Variants in ZNF385D observed in about 807,000 individuals in gnomAD.
The protein encoded by ZNF385D is zinc finger protein 385D, also known as zinc finger protein 659.
In ZNF385D, 15 loss-of-function variants were observed where a neutral mutation model predicts 35.8. The observed-to-expected ratio is 0.42, with a 90% confidence interval of 0.28 to 0.64. The LOEUF is 0.64. ZNF385D is among the 30% of genes least tolerant of loss of function. The pLI, the probability that ZNF385D is intolerant of heterozygous loss-of-function variation, is 0.23. For missense variants in ZNF385D, 474 were observed against 494.6 expected (o/e 0.96, Z 0.39); for synonymous variants, 212 against 186.8 (o/e 1.13, Z -1.10).
intron 3 of ZNF385D, among the ~76,000 whole-genome samples, chr3:21,765,950 G>C (rs1043309575): frequency 2.2e-4 from 33 of 152,066 alleles, no homozygotes; most frequent in African/African-American, 8.0e-4. Flanking sequence ...AAGGGATTCA[G>C]TAGACTGAAA....
At chr3:21,701,630 G>A (rs1280330020) in intron 1 of ZNF385D, among the ~76,000 whole-genome samples, 2 of 152,096 alleles carry the variant, frequency 1.3e-5, no homozygotes, top group African/African-American at 4.8e-5. Flanking sequence ...CACAGCCAAA[G>A]TCTCATCTGA....
chr3:21,587,959 T>TTATC (rs1362644750), intron 2 of ZNF385D, among the ~76,000 whole-genome samples: 29 of 152,188 alleles, frequency 1.9e-4, no homozygotes. Flanking sequence ...GTAGGTTCTA[T>TTATC]TATCTCCTTT....
chr3:21,848,447 T>C (rs982530438), intron 3 of ZNF385D, among the ~76,000 whole-genome samples: 14 of 151,340 alleles, frequency 9.3e-5, no homozygotes, highest in African/African-American at 3.4e-4. Context: ...ACAACAAATA[T>C]ATAAATAAAA....
intron 2 of ZNF385D, among the ~76,000 whole-genome samples, chr3:22,184,003 G>A (rs189880361): frequency 6.6e-6 from 1 of 152,108 alleles, no homozygotes; most frequent in South Asian, 2.1e-4. Context: ...TTGTCAGTAT[G>A]TGAATTTTAA....
At chr3:21,664,788 T>C in intron 2 of ZNF385D, 98 bp downstream of exon 2, 1 of 1,510,742 alleles carries the variant, frequency 6.6e-7, no homozygotes, top group Non-Finnish European at 9.1e-7. Context: ...CAATGAACAA[T>C]ATAGCAAAAT....
chr3:21,789,969 A>C (rs2071859925), intron 3 of ZNF385D, among the ~76,000 whole-genome samples: 1 of 152,192 alleles, frequency 6.6e-6, no homozygotes, highest in Non-Finnish European at 1.5e-5. Flanking sequence ...CAGACTTCAA[A>C]ATGAAACACT....
intron 3 of ZNF385D, among the ~76,000 whole-genome samples, chr3:22,096,014 G>C (rs542574221): frequency 6.6e-6 from 1 of 151,814 alleles, no homozygotes; most frequent in East Asian, 1.9e-4. Flanking sequence ...GGAGATTGGA[G>C]GTTACTTTTG....
At chr3:21,949,832 T>G (rs1701976701) in intron 3 of ZNF385D, among the ~76,000 whole-genome samples, 1 of 152,150 alleles carries the variant, frequency 6.6e-6, no homozygotes, top group African/African-American at 2.4e-5. Flanking sequence ...CAGTGTTAGT[T>G]TGCTGAGAAT....
chr3:21,570,040 T>C (rs536060163), intron 2 of ZNF385D, among the ~76,000 whole-genome samples: 3 of 151,528 alleles, frequency 2.0e-5, no homozygotes, highest in South Asian at 2.1e-4. Context: ...ACATGTACCC[T>C]AAAACTTAAA....
chr3:22,337,701 T>A (rs1294167498), intron 2 of ZNF385D, among the ~76,000 whole-genome samples: 3 of 152,194 alleles, frequency 2.0e-5, no homozygotes, highest in African/African-American at 7.2e-5. Flanking sequence ...GCAGAAATAA[T>A]TAAAAGCTTC....
chr3:21,882,349 A>G (rs779170490), intron 3 of ZNF385D, among the ~76,000 whole-genome samples: 66 of 152,024 alleles, frequency 4.3e-4, no homozygotes, highest in Admixed American at 2.0e-3. Flanking sequence ...ACCAACGAAA[A>G]GATTATGACT....
rs540712077 is a variant in ZNF385D at position 21,628,509 on chromosome 3, T to A, written c.165+36377A>T. Among the ~76,000 whole-genome samples the A allele has an allele frequency of 5.8e-3, 874 of 151,742 alleles. 3 individuals carry two copies. The highest frequency in any genetic ancestry group is 8.9e-3 in the Non-Finnish European group (607 of 67,938). ...TAGTTTATATGAAAAATCTAGATTT[T>A]AAAAAAATCTATAAGGTAAGAAAAA... is the stretch of plus-strand genomic sequence containing the variant. On this transcript the variant is annotated intron_variant, in intron 2 of 7. Coordinates refer to ENST00000281523, the MANE Select transcript of ZNF385D (RefSeq NM_024697.3).
chr3:21,425,014 T>C (rs1336982453), intron 6 of ZNF385D, among the ~76,000 whole-genome samples: 1 of 152,190 alleles, frequency 6.6e-6, no homozygotes, highest in Non-Finnish European at 1.5e-5. Context: ...TGCAGGTGGC[T>C]GCAAGATCTA....
intron 3 of ZNF385D, among the ~76,000 whole-genome samples, chr3:21,822,693 C>T (rs1448826943): frequency 6.6e-6 from 1 of 151,934 alleles, no homozygotes. Flanking sequence ...TGCATAGTTA[C>T]AGTATACCAG....
intron 3 of ZNF385D, among the ~76,000 whole-genome samples, chr3:22,074,917 C>G (rs1032328035): frequency 2.0e-5 from 3 of 151,836 alleles, no homozygotes; most frequent in Non-Finnish European, 2.9e-5. Flanking sequence ...AGCAACGTCA[C>G]CATCACCAAG....
Position 21,807,512 on chromosome 3 carries a change from G to C in ZNF385D, c.326-142484C>G, listed in dbSNP as rs372670123. 1.0e-3 allele frequency among the ~76,000 whole-genome samples: 157 copies of C among 152,190 alleles called. 8 individuals carry two copies. In the South Asian group the frequency reaches 0.032, roughly 31 times the overall value. ...ACTACAAAATTAAGACCTGGCTTTG[G>C]AGTTTTTTGAAGATAATATTTTATT... On this transcript the variant is annotated intron_variant, in intron 3 of 5. Coordinates refer to the ZNF385D transcript ENST00000494108.
chr3:21,691,495 G>A (rs545330131), intron 1 of ZNF385D, among the ~76,000 whole-genome samples: 7 of 151,846 alleles, frequency 4.6e-5, no homozygotes, highest in Middle Eastern at 3.4e-3. Context: ...ACCCAAAAAC[G>A]GACCCAAATA....
chr3:21,602,147 C>G (rs2064312676), intron 2 of ZNF385D, among the ~76,000 whole-genome samples: 1 of 152,114 alleles, frequency 6.6e-6, no homozygotes, highest in South Asian at 2.1e-4. Context: ...ATTTATAAAA[C>G]TATCAGCTCT....
At chr3:22,301,531 T>G (rs1702901771) in intron 2 of ZNF385D, among the ~76,000 whole-genome samples, 1 of 152,072 alleles carries the variant, frequency 6.6e-6, no homozygotes, top group Non-Finnish European at 1.5e-5. Flanking sequence ...TTGTACACAA[T>G]ATATATAATT....
Sources: allele counts gnomAD v4.1 joint callset (sites outside exome capture counted in the v4.1 genomes callset), GRCh38; gene constraint gnomAD v4.1.1; transcripts MANE v1.5; gene names NCBI Gene and HGNC (gene_info 2026-07-23, HGNC 2026-07-21).